The following PTPRD variants were observed in gnomAD, a reference collection of about 807,000 sequenced individuals.
The protein encoded by PTPRD is protein tyrosine phosphatase receptor type D, also known as receptor-type tyrosine-protein phosphatase delta.
Under a neutral mutation model 214.5 loss-of-function variants are expected in PTPRD, and 34 were observed. That is an observed-to-expected ratio of 0.16 (90% CI 0.12 to 0.21). The LOEUF (loss-of-function observed/expected upper bound fraction) is 0.21, where lower values mean the gene tolerates loss of function less well. Ranked by LOEUF, PTPRD falls within the 10% of genes least tolerant of loss-of-function variation. PTPRD has a pLI of 1.00. For missense variants in PTPRD, 2,545 were observed against 2,398.7 expected (o/e 1.06, Z -1.27); for synonymous variants, 1,128 against 845.7 (o/e 1.33, Z -5.79).
At position 10,487,483 on chromosome 9, in the gene PTPRD, T is replaced by C. The variant is rs143829014; in HGVS notation, c.-600+124915A>G. Among the ~76,000 whole-genome samples the C allele has an allele frequency of 5.7e-4, 87 of 152,300 alleles. 1 individual carries two copies. Among genetic ancestry groups the C allele is most frequent in the African/African-American group, 2.0e-3 (82 of 41,566 alleles). On this transcript the variant is annotated intron_variant, in intron 2 of 45. Transcript: ENST00000381196. Reference sequence around the variant, plus strand: ...ATACATTATAAGTTTTTGGTTTGAGTTTACCATGAGGCTTGCAAATACTAT... The same window carrying C: ...ATACATTATAAGTTTTTGGTTTGAGCTTACCATGAGGCTTGCAAATACTAT...
chr9:10,218,183 C>T (rs999743984), intron 3 of PTPRD, among the ~76,000 whole-genome samples: 23 of 151,718 alleles, frequency 1.5e-4, no homozygotes, highest in African/African-American at 4.8e-4. Context: ...TTCTTTCTTA[C>T]GAATAGCGTC....
intron 4 of PTPRD, among the ~76,000 whole-genome samples, chr9:9,945,664 G>A (rs1024496741): frequency 6.6e-6 from 1 of 152,114 alleles, no homozygotes; most frequent in Admixed American, 6.6e-5. Flanking sequence ...GAGGATGCTG[G>A]ATTGTAATCA....
At chr9:10,017,782 T>C (rs2096753390) in intron 4 of PTPRD, among the ~76,000 whole-genome samples, 1 of 152,152 alleles carries the variant, frequency 6.6e-6, no homozygotes, top group Non-Finnish European at 1.5e-5. Context: ...TTATTTAATA[T>C]TTTGATATTT....
intron 2 of PTPRD, among the ~76,000 whole-genome samples, chr9:10,505,107 G>A (rs991670251): frequency 6.6e-6 from 1 of 152,154 alleles, no homozygotes; most frequent in Non-Finnish European, 1.5e-5. Flanking sequence ...ACCTTAAAGT[G>A]AACAGGCTTC....
intron 2 of PTPRD, among the ~76,000 whole-genome samples, chr9:10,588,373 G>C (rs10120974): frequency 0.34 from 50,620 of 149,986 alleles, 8,915 homozygotes; most frequent in East Asian, 0.67. Context: ...ACTCTGTTCA[G>C]TAAGTATTCA....
intron 2 of PTPRD, among the ~76,000 whole-genome samples, chr9:10,532,911 C>G (rs1294826907): frequency 6.6e-6 from 1 of 151,774 alleles, no homozygotes; most frequent in Non-Finnish European, 1.5e-5. Context: ...TAGTTTGTCC[C>G]CACCAAAACT....
At chr9:9,802,599 G>A (rs535498179) in intron 5 of PTPRD, among the ~76,000 whole-genome samples, 1 of 151,802 alleles carries the variant, frequency 6.6e-6, no homozygotes, top group South Asian at 2.1e-4. Flanking sequence ...GGAAAGCTTA[G>A]CCATATAGTA....
chr9:9,524,077 G>C (rs2097060890), intron 8 of PTPRD, among the ~76,000 whole-genome samples: 1 of 152,106 alleles, frequency 6.6e-6, no homozygotes, highest in Non-Finnish European at 1.5e-5. Context: ...TGGGTTTCTA[G>C]GCTGGGGAAG....
At chr9:8,551,719 G>T (rs1357093099) in intron 14 of PTPRD, among the ~76,000 whole-genome samples, 1 of 152,136 alleles carries the variant, frequency 6.6e-6, no homozygotes, top group Non-Finnish European at 1.5e-5. Context: ...AAGTTTATAG[G>T]TGTAATAATT....
intron 11 of PTPRD, among the ~76,000 whole-genome samples, chr9:8,964,192 G>GTTTTTTTTTTTTTTTTT (rs71317391): frequency 1.1e-4 from 4 of 35,632 alleles, no homozygotes; most frequent in South Asian, 2.4e-3. Flanking sequence ...TCAGGGCTGT[G>GTTTTTTTTTTTTTTTTT]TTTTTTTTTT....
At chr9:9,457,673 A>G (rs1257915087) in intron 8 of PTPRD, among the ~76,000 whole-genome samples, 10 of 152,064 alleles carry the variant, frequency 6.6e-5, no homozygotes, top group Non-Finnish European at 7.4e-5. Context: ...TTTGTACAAC[A>G]TGTTACATAT....
At chr9:9,438,642 G>A (rs895040867) in intron 8 of PTPRD, among the ~76,000 whole-genome samples, 1 of 152,100 alleles carries the variant, frequency 6.6e-6, no homozygotes, top group African/African-American at 2.4e-5. Flanking sequence ...CAAAATGATT[G>A]CTAATTATTC....
At chr9:9,769,317 CTTTTTTTTTT>C (rs34497562) in intron 5 of PTPRD, among the ~76,000 whole-genome samples, 1 of 69,592 alleles carries the variant, frequency 1.4e-5, no homozygotes, top group African/African-American at 5.8e-5. Context: ...ACCAGAAGCC[CTTTTTTTTTT>C]TTTTTTTTTT....
At chr9:9,542,308 CACTT>C (rs1203122180) in intron 8 of PTPRD, among the ~76,000 whole-genome samples, 3 of 151,644 alleles carry the variant, frequency 2.0e-5, no homozygotes, top group Admixed American at 1.3e-4. Flanking sequence ...ATTCCTGTCT[CACTT>C]AATGCCAAAA....
At chr9:8,497,588 C>T (rs2097304925) in intron 25 of PTPRD, among the ~76,000 whole-genome samples, 1 of 152,120 alleles carries the variant, frequency 6.6e-6, no homozygotes, top group Non-Finnish European at 1.5e-5. Flanking sequence ...TGACTTCTAT[C>T]TTAAGTTACA....
intron 8 of PTPRD, among the ~76,000 whole-genome samples, chr9:9,423,186 A>C (rs980779405): frequency 1.3e-5 from 2 of 152,170 alleles, no homozygotes; most frequent in Non-Finnish European, 2.9e-5. Context: ...CAGTATATGA[A>C]ATGAAGGTTT....
intron 3 of PTPRD, among the ~76,000 whole-genome samples, chr9:10,066,209 T>C (rs752726483): frequency 6.6e-6 from 1 of 151,840 alleles, no homozygotes; most frequent in Non-Finnish European, 1.5e-5. Context: ...GTTATGTTTA[T>C]TGTTATGAAT....
chr9:8,485,452 C>T, intron 28 of PTPRD, 128 bp from the exon 29 acceptor site: 1 of 685,640 alleles, frequency 1.5e-6, no homozygotes, highest in Non-Finnish European at 2.5e-6. Context: ...GTATGATTTT[C>T]CTACCTGTTT....
intron 8 of PTPRD, among the ~76,000 whole-genome samples, chr9:9,568,523 T>C (rs1455436612): frequency 6.6e-6 from 1 of 151,944 alleles, no homozygotes; most frequent in African/African-American, 2.4e-5. Flanking sequence ...TTTCCAGCTT[T>C]GCCCAACTAG....
Sources: gnomAD v4.1 joint callset for allele counts (sites outside exome capture counted in the v4.1 genomes callset) on GRCh38, gnomAD v4.1.1 for gene constraint, MANE v1.5 for transcripts, NCBI Gene and HGNC (gene_info 2026-07-23, HGNC 2026-07-21) for gene names.